The following ANK3 variants were observed in gnomAD, a reference collection of about 807,000 sequenced individuals.
ANK3 encodes the protein ankyrin 3.
Under a neutral mutation model 370.9 loss-of-function variants are expected in ANK3, and 57 were observed. That is an observed-to-expected ratio of 0.15 (90% confidence interval 0.12 to 0.19). The LOEUF is 0.19. Among genes scored for constraint, ANK3 ranks in the 10% least tolerant of loss-of-function variants. ANK3 has a pLI of 1.00. For synonymous variants in ANK3, 1,929 were observed against 1,946.3 expected (o/e 0.99, Z 0.23); for missense variants, 4,439 against 5,302.1 (o/e 0.84, Z 5.06).
At chr10:60,636,977 A>C (rs1473991946) in intron 1 of ANK3, among the ~76,000 whole-genome samples, 1 of 152,152 alleles carries the variant, frequency 6.6e-6, no homozygotes, top group Non-Finnish European at 1.5e-5. Context: ...AACCCTTCAT[A>C]CCTGTTTCTT....
intron 2 of ANK3, among the ~76,000 whole-genome samples, chr10:60,498,072 T>C (rs992124785): frequency 6.6e-6 from 1 of 152,194 alleles, no homozygotes; most frequent in Non-Finnish European, 1.5e-5. Context: ...TCTGTTCTCA[T>C]ACAAGGTTTT....
chr10:60,422,597 G>A (rs2063801660), intron 2 of ANK3, among the ~76,000 whole-genome samples: 1 of 152,018 alleles, frequency 6.6e-6, no homozygotes, highest in African/African-American at 2.4e-5. Flanking sequence ...AGGTAATAAA[G>A]CTTCAGCAAT....
intron 1 of ANK3, among the ~76,000 whole-genome samples, chr10:60,361,227 C>A (rs1325284996): frequency 2.0e-5 from 3 of 152,092 alleles, no homozygotes; most frequent in Non-Finnish European, 4.4e-5. Context: ...CTTTACCTTT[C>A]GAATATATTT....
intron 2 of ANK3, among the ~76,000 whole-genome samples, chr10:60,432,402 G>A (rs925825603): frequency 1.3e-5 from 2 of 152,124 alleles, no homozygotes; most frequent in Admixed American, 1.3e-4. Context: ...TTCTCTGAAG[G>A]ACATTAGGCC....
intron 42 of ANK3, among the ~76,000 whole-genome samples, chr10:60,048,559 A>G (rs536999120): frequency 6.6e-6 from 1 of 152,350 alleles, no homozygotes; most frequent in Admixed American, 6.5e-5. Context: ...GTATTTGCAT[A>G]TAAGCTACAC....
chr10:60,395,598 TTCTTTCTTTC>T (rs2063213181), intron 2 of ANK3, among the ~76,000 whole-genome samples: 2 of 119,230 alleles, frequency 1.7e-5, no homozygotes, highest in African/African-American at 7.2e-5. Context: ...CTTTCTTTCT[TTCTTTCTTTC>T]TCTCTTTCGT....
At chr10:60,227,630 T>C (rs1238123988) in intron 8 of ANK3, among the ~76,000 whole-genome samples, 2 of 152,160 alleles carry the variant, frequency 1.3e-5, no homozygotes, top group African/African-American at 4.8e-5. Flanking sequence ...TTCTGTGCTT[T>C]AGTATGGATG....
At chr10:60,466,198 C>T (rs1232362590) in intron 2 of ANK3, among the ~76,000 whole-genome samples, 3 of 152,126 alleles carry the variant, frequency 2.0e-5, no homozygotes, top group Non-Finnish European at 4.4e-5. Context: ...ATAAAGAGGG[C>T]ATAATTGTCT....
chr10:60,080,675 G>A, intron 35 of ANK3, 57 bp from the exon 36 acceptor site: 1 of 1,315,822 alleles, frequency 7.6e-7, no homozygotes, highest in Non-Finnish European at 1.0e-6. Flanking sequence ...GACATCTTCA[G>A]TTTTAAGACA....
chr10:60,338,186 G>A (rs562863077), intron 1 of ANK3, among the ~76,000 whole-genome samples: 1 of 152,256 alleles, frequency 6.6e-6, no homozygotes, highest in Non-Finnish European at 1.5e-5. Flanking sequence ...TTGACTTAAA[G>A]TACAAACAGT....
At chr10:60,479,944 G>C (rs978655527) in intron 2 of ANK3, among the ~76,000 whole-genome samples, 3 of 152,142 alleles carry the variant, frequency 2.0e-5, no homozygotes, top group African/African-American at 7.2e-5. Context: ...GTTTATGTTT[G>C]ATTGCTCCCA....
chr10:60,177,858 CCAAAAGTCTT>C (rs1367424256), intron 18 of ANK3, among the ~76,000 whole-genome samples: 8 of 152,022 alleles, frequency 5.3e-5, no homozygotes, highest in Admixed American at 5.2e-4. Context: ...CCGCGGCCTC[CCAAAAGTCTT>C]CAAATCTTAG....
chr10:60,496,733 G>GA (rs33910846), intron 2 of ANK3, among the ~76,000 whole-genome samples: 81,712 of 125,376 alleles, frequency 0.65, 25,432 homozygotes, highest in East Asian at 0.8. Flanking sequence ...TTTTGAGACC[G>GA]AAAAAAAAAA....
At chr10:60,107,678 T>G (rs979737791) in intron 27 of ANK3, among the ~76,000 whole-genome samples, 4 of 152,246 alleles carry the variant, frequency 2.6e-5, no homozygotes, top group African/African-American at 9.6e-5. Flanking sequence ...TCAGTTTACT[T>G]ATTGATGACT....
Position 60,166,571 on chromosome 10 carries a change from C to A in ANK3, c.2614+20G>T, listed in dbSNP as rs1222865996. 1.2e-6 allele frequency: 2 copies of A among 1,603,034 alleles called. No individual in the cohort carries two copies. The highest frequency in any genetic ancestry group is 2.2e-5 in the East Asian group (1 of 44,702). On this transcript the variant is annotated intron_variant, in intron 23 of 43. Transcript: ENST00000280772. ...AGTTGGTAGTAGTTAAGTTTCATCA[C>A]AATAAAAATTTACAAATACCTTCTT...
At chr10:60,251,218 A>G (rs535784645) in intron 7 of ANK3, among the ~76,000 whole-genome samples, 1 of 152,286 alleles carries the variant, frequency 6.6e-6, no homozygotes, top group South Asian at 2.1e-4. Flanking sequence ...TCGTATTTCA[A>G]AGTCTTAGCA....
chr10:60,520,860 G>A (rs543790247), intron 2 of ANK3, among the ~76,000 whole-genome samples: 7 of 152,030 alleles, frequency 4.6e-5, no homozygotes, highest in Non-Finnish European at 1.0e-4. Flanking sequence ...ATTATACACA[G>A]TGACATGTTT....
intron 25 of ANK3, among the ~76,000 whole-genome samples, chr10:60,132,267 G>A (rs1267304939): frequency 5.3e-5 from 8 of 152,124 alleles, no homozygotes; most frequent in Non-Finnish European, 1.5e-5. Flanking sequence ...TGGTTTGGCT[G>A]TGTCCCCATC....
chr10:60,072,893 T>A lies in ANK3; in HGVS notation c.7988A>T (p.Glu2663Val). The change falls in exon 37 of 44, where the codon GAG (glutamate) becomes GTG (valine). Residue 2663 changes from glutamate (E) to valine (V), a missense_variant. Physicochemically the swap from Glu to Val is moderately radical, Grantham distance 121. Transcript: ENST00000280772. ...GPDGQGFPKAEEKAPSLPSSP... is the reference protein window; with the variant it reads ...GPDGQGFPKAVEKAPSLPSSP... ...GCTGGGCAGACTGGGTGCCTTCTCC[T>A]CGGCCTTGGGGAAGCCTTGTCCATC... The A allele has an allele frequency of 6.2e-7, 1 of 1,614,100 alleles. No individual in the cohort carries two copies. Among genetic ancestry groups the A allele is most frequent in the South Asian group, 1.1e-5 (1 of 91,076 alleles).
Sources: gnomAD v4.1 joint callset for allele counts (sites outside exome capture counted in the v4.1 genomes callset) on GRCh38, gnomAD v4.1.1 for gene constraint, MANE v1.5 for transcripts, NCBI Gene and HGNC (gene_info 2026-07-23, HGNC 2026-07-21) for gene names.